The following SP100 variants were observed in gnomAD, a reference collection of about 807,000 sequenced individuals.
SP100 encodes the protein SP100 nuclear body protein, also known as nuclear autoantigen Sp-100.
SP100 carries 84 observed loss-of-function variants against 130.0 expected under a neutral mutation model. The observed-to-expected ratio is 0.65, with a 90% CI of 0.54 to 0.77. SP100 has a LOEUF of 0.77. SP100 is among the 30% of genes least tolerant of loss of function. The probability of loss-of-function intolerance (pLI) is 0.00; values close to 1 mark genes in which losing one functional copy is unlikely to be tolerated. For synonymous variants in SP100, 331 were observed against 351.7 expected (o/e 0.94, Z 0.66); for missense variants, 978 against 1,052.2 (o/e 0.93, Z 0.97).
intron 2 of SP100, among the ~76,000 whole-genome samples, chr2:230,424,369 A>G (rs1285740866): frequency 1.3e-5 from 2 of 152,160 alleles, no homozygotes; most frequent in African/African-American, 4.8e-5. Flanking sequence ...AATATTACAT[A>G]ATAAGAGGAG....
intron 17 of SP100, among the ~76,000 whole-genome samples, chr2:230,478,796 A>G (rs540712079): frequency 1.3e-5 from 2 of 152,298 alleles, no homozygotes; most frequent in Admixed American, 1.3e-4. Flanking sequence ...AATTTCACCT[A>G]AAAACAGTGA....
rs544836205 is a variant in SP100 at position 230,449,270 on chromosome 2, T to G, written c.586+120T>G. On this transcript the variant is annotated intron_variant, in intron 6 of 28. Coordinates refer to ENST00000340126, the MANE Select transcript of SP100 (RefSeq NM_001080391.2). The stretch of plus-strand genomic sequence containing the variant: ...GAATTTTCAGGTTTTACATCTACAG[T>G]TTTTCCATTTCTGGGATTTAAATAA... 3.4e-5 allele frequency: 36 copies of G among 1,049,386 alleles called. No individual in the cohort carries two copies. The African/African-American group carries it at 5.3e-4, about 15-fold the overall frequency. 65.0% of individuals were successfully genotyped at this position (1,049,386 alleles called of 1,614,324 possible). A position where few individuals can be genotyped will look rare whatever the true frequency, so the allele number is the denominator to read the frequency against.
intron 24 of SP100, among the ~76,000 whole-genome samples, chr2:230,517,083 A>T (rs1353559930): frequency 6.6e-6 from 1 of 152,186 alleles, no homozygotes; most frequent in Non-Finnish European, 1.5e-5. Flanking sequence ...ATCTAGTATT[A>T]TGTATCATTT....
intron 17 of SP100, chr2:230,494,053 C>T (rs1041533701): frequency 1.3e-4 from 26 of 196,854 alleles, no homozygotes; most frequent in Middle Eastern, 2.0e-3. Context: ...CCACTGTGCC[C>T]GGCCATCACT....
chr2:230,494,379 G>C (rs1336803560), intron 17 of SP100, 37 bp from the exon 18 acceptor site: 1 of 1,433,678 alleles, frequency 7.0e-7, no homozygotes. Context: ...TTTGTTTATA[G>C]TTCTAAAGGA....
intron 22 of SP100, 104 bp from the exon 23 acceptor site, chr2:230,507,889 T>C (rs1690241156): frequency 1.1e-6 from 1 of 940,202 alleles, no homozygotes; most frequent in East Asian, 2.6e-5. Flanking sequence ...TTTGAGTTAA[T>C]AGTGGGATAT....
At chr2:230,449,376 C>A in intron 6 of SP100, 185 bp from the exon 7 acceptor site, 1 of 798,690 alleles carries the variant, frequency 1.3e-6, no homozygotes, top group Non-Finnish European at 2.2e-6. Flanking sequence ...GTTCCTGCTG[C>A]CGCTGAGCCT....
intron 17 of SP100, among the ~76,000 whole-genome samples, chr2:230,491,086 T>C (rs1438341319): frequency 6.6e-6 from 1 of 152,236 alleles, no homozygotes; most frequent in Non-Finnish European, 1.5e-5. Flanking sequence ...TTGTTTCCAT[T>C]CTTCTCATCT....
rs555327277 is a variant in SP100 at position 230,508,194 on chromosome 2, C to T, written c.2052+163C>T. On this transcript the variant is annotated intron_variant, in intron 23 of 28. Transcript: ENST00000340126. ...TTCAAACATTATTCAATGTATAAGT[C>T]CAGGGCTCCTTTGAACATCAAAACG... is the stretch of plus-strand genomic sequence containing the variant. The T allele has an allele frequency of 1.6e-4, 191 of 1,179,278 alleles. No homozygotes were observed. In the African/African-American group the frequency reaches 2.8e-3, roughly 17 times the overall value. 73.1% of individuals were successfully genotyped at this position (1,179,278 alleles called of 1,614,324 possible).
At chr2:230,450,497 CA>C (rs1358786921) in intron 8 of SP100, among the ~76,000 whole-genome samples, 1 of 152,098 alleles carries the variant, frequency 6.6e-6, no homozygotes, top group Non-Finnish European at 1.5e-5. Context: ...GGTGATAACA[CA>C]AAACCTATTC....
At chr2:230,524,199 A>G (rs1456261596) in intron 24 of SP100, among the ~76,000 whole-genome samples, 1 of 148,340 alleles carries the variant, frequency 6.7e-6, no homozygotes, top group Non-Finnish European at 1.5e-5. Context: ...AAAAAAAAAA[A>G]AAGAAAATTA....
intron 8 of SP100, among the ~76,000 whole-genome samples, chr2:230,453,908 T>G (rs1164912961): frequency 6.6e-6 from 1 of 152,240 alleles, no homozygotes; most frequent in Non-Finnish European, 1.5e-5. Context: ...AATTCAACAG[T>G]GAAACCATCT....
chr2:230,442,396 C>A (rs906631175), intron 2 of SP100, among the ~76,000 whole-genome samples: 9 of 152,208 alleles, frequency 5.9e-5, no homozygotes, highest in African/African-American at 2.2e-4. Flanking sequence ...TCATGAAATT[C>A]TCAATAATGT....
intron 18 of SP100, among the ~76,000 whole-genome samples, chr2:230,496,312 G>A (rs948980541): frequency 7.2e-5 from 11 of 152,084 alleles, no homozygotes; most frequent in Middle Eastern, 3.2e-3. Flanking sequence ...CCCTTTTAGC[G>A]GTAATATCTC....
At chr2:230,485,944 T>A (rs2066062212) in intron 17 of SP100, among the ~76,000 whole-genome samples, 1 of 152,240 alleles carries the variant, frequency 6.6e-6, no homozygotes, top group South Asian at 2.1e-4. Flanking sequence ...GTACTTCTGA[T>A]ACTAAGGAAG....
intron 17 of SP100, among the ~76,000 whole-genome samples, chr2:230,474,700 G>A (rs984664787): frequency 2.6e-5 from 4 of 152,092 alleles, no homozygotes; most frequent in African/African-American, 9.7e-5. Context: ...GCCCCATCTA[G>A]TGGTCCCCAG....
intron 11 of SP100, 53 bp downstream of exon 11, chr2:230,464,203 C>A: frequency 9.1e-7 from 1 of 1,098,902 alleles, no homozygotes; most frequent in Non-Finnish European, 1.4e-6. Flanking sequence ...GAGTACAAAT[C>A]CAGAGCTCTG....
At chr2:230,535,856 A>C (rs988759485) in intron 24 of SP100, among the ~76,000 whole-genome samples, 1 of 135,564 alleles carries the variant, frequency 7.4e-6, no homozygotes, top group Non-Finnish European at 1.5e-5. Flanking sequence ...GCAGGGAGCC[A>C]AGATCATGCC....
intron 24 of SP100, among the ~76,000 whole-genome samples, chr2:230,512,649 T>C (rs62193433): frequency 0.57 from 86,737 of 152,016 alleles, 27,913 homozygotes; most frequent in South Asian, 0.74. Flanking sequence ...ACCAATTTTG[T>C]GGAAGACAGT....
Sources: gnomAD v4.1 joint callset for allele counts (sites outside exome capture counted in the v4.1 genomes callset) on GRCh38, gnomAD v4.1.1 for gene constraint, MANE v1.5 for transcripts, NCBI Gene and HGNC (gene_info 2026-07-23, HGNC 2026-07-21) for gene names.